The following SIX3 variants were observed in gnomAD, a reference collection of about 807,000 sequenced individuals.
The protein encoded by SIX3 is homeobox protein SIX3.
A neutral mutation model predicts 21.7 loss-of-function variants in SIX3; 2 were observed. That is an observed-to-expected ratio of 0.09 (90% confidence interval 0.04 to 0.29). SIX3 has a LOEUF of 0.29. Among genes scored for constraint, SIX3 ranks in the 10% least tolerant of loss-of-function variants. The pLI, the probability that SIX3 is intolerant of heterozygous loss-of-function variation, is 1.00. For missense variants in SIX3, 347 were observed against 480.7 expected (o/e 0.72, Z 2.60); for synonymous variants, 243 against 220.6 (o/e 1.10, Z -0.90).
Position 44,944,828 on chromosome 2 carries a change from C to CTCCTCCTCT in SIX3, c.*82_*90dup, listed in dbSNP as rs1666658059. Reference sequence around the variant, plus strand: ...ACTCCTTCCCCTCCGCCTCCTAGCCCTCCTCCTCTTCCTCCTCTTCCTTCT... The same window carrying CTCCTCCTCT: ...ACTCCTTCCCCTCCGCCTCCTAGCCCTCCTCCTCTTCCTCCTCTTCCTCCTCTTCCTTCT... On this transcript the variant is annotated 3_prime_UTR_variant, in exon 2 of 2. Transcript: ENST00000260653. The CTCCTCCTCT allele has an allele frequency of 7.2e-7, 1 of 1,395,650 alleles. No homozygotes were observed. The highest frequency in any genetic ancestry group is 9.8e-7 in the Non-Finnish European group (1 of 1,016,654). The allele number at this position is 1,395,650 out of a possible 1,614,324, so 86.5% of individuals were successfully genotyped here. A position where few individuals can be genotyped will look rare whatever the true frequency, so the allele number is the denominator to read the frequency against.
At position 44,944,614 on chromosome 2, in the gene SIX3, G is replaced by A. The variant is rs1384959715; in HGVS notation, c.853G>A (p.Glu285Lys). 9 of 1,574,780 alleles carry A rather than the reference G, an allele frequency of 5.7e-6. No individual in the cohort carries two copies. Among genetic ancestry groups the A allele is most frequent in the Non-Finnish European group, 7.7e-6 (9 of 1,167,426 alleles). ...IGPSGMRSLA[E>K]PGCPTHGSAE... ...ACCGAGCGGCATGCGCTCGCTGGCC[G>A]AGCCCGGCTGCCCCACGCACGGCTC... The change falls in exon 2 of 2, where the codon GAG becomes AAG. Residue 285 changes from glutamate (E) to lysine (K), a missense_variant. Transcript: ENST00000260653.
rs368057246 is a variant in SIX3 at position 44,945,100 on chromosome 2, T to C, written c.*340T>C. ...TAAAAGAGGTGACAATTGTATACTT[T>C]CTAGGACAAGCACGGCTTCTCCTTT... On this transcript the variant is annotated 3_prime_UTR_variant, in exon 2 of 2. Transcript: ENST00000260653. 142 of 364,602 alleles carry C rather than the reference T, an allele frequency of 3.9e-4. No homozygotes were observed. The highest frequency in any genetic ancestry group is 1.6e-3 in the Middle Eastern group (2 of 1,234). 22.6% of individuals were successfully genotyped at this position (364,602 alleles called of 1,614,324 possible).
At position 44,944,853 on chromosome 2, in the gene SIX3, T is replaced by C. The variant is rs1455137423; in HGVS notation, c.*93T>C. 54 of 1,165,396 alleles carry C rather than the reference T, an allele frequency of 4.6e-5. No individual in the cohort carries two copies. The highest frequency in any genetic ancestry group is 6.0e-5 in the Non-Finnish European group (49 of 813,828). The allele number at this position is 1,165,396 out of a possible 1,614,324, so 72.2% of individuals were successfully genotyped here. A position where few individuals can be genotyped will look rare whatever the true frequency, so the allele number is the denominator to read the frequency against. The stretch of plus-strand genomic sequence containing the variant: ...CTCCTCCTCTTCCTCCTCTTCCTTC[T>C]CCTCCTCCATCCCCAGAACAAACCG... On this transcript the variant is annotated 3_prime_UTR_variant, in exon 2 of 2. Transcript: ENST00000260653.
chr2:44,943,418 C>A (rs1483284542), intron 1 of SIX3, among the ~76,000 whole-genome samples: 1 of 152,090 alleles, frequency 6.6e-6, no homozygotes, highest in Non-Finnish European at 1.5e-5. Flanking sequence ...CAACGCTGCA[C>A]GTTGCCTGAC....
rs370976451 is a variant in SIX3, at chr2:44,944,194, T to C, written c.807-374T>C. Among the ~76,000 whole-genome samples, 74 of 152,352 alleles carry C rather than the reference T, an allele frequency of 4.9e-4. 1 individual carries two copies. The East Asian group carries it at 9.5e-3, about 19-fold the overall frequency. On this transcript the variant is annotated intron_variant, in intron 1 of 1. Transcript: ENST00000260653. ...GGCATCCAGAGAGCAAAGTATGCAG[T>C]TCTACCCGGAGACTGGCCGGGCGGT...
At chr2:44,943,448 C>A (rs1456866769) in intron 1 of SIX3, among the ~76,000 whole-genome samples, 4 of 152,238 alleles carry the variant, frequency 2.6e-5, no homozygotes, top group Non-Finnish European at 5.9e-5. Flanking sequence ...GAGAGCCGGG[C>A]TGGGAGTGGA....
At chr2:44,944,482 C>T in intron 1 of SIX3, 86 bp from the exon 2 acceptor site, 3 of 1,436,786 alleles carry the variant, frequency 2.1e-6, no homozygotes, top group Non-Finnish European at 2.8e-6. Flanking sequence ...GGGATGCTCC[C>T]GAAAGCGGAA....
Position 44,942,238 on chromosome 2 carries a change from G to T in SIX3, c.134G>T (p.Gly45Val). The T allele has an allele frequency of 6.3e-7, 1 of 1,581,758 alleles. No individual in the cohort carries two copies. The highest frequency in any genetic ancestry group is 8.5e-7 in the Non-Finnish European group (1 of 1,170,902). Residue 45 changes from glycine to valine, a missense_variant, in exon 1 of 2, where the codon GGA becomes GTA. Gly to Val is a moderately radical substitution (Grantham distance 109). This residue lies in a region of SIX3 where 105 missense variants were observed against 116.1 expected (regional missense o/e 0.90). Transcript: ENST00000260653. The surrounding 1 kb of genome is among the most constrained non-coding windows in gnomAD (Gnocchi z 8.4). ...GNGAGGGGGA[G>V]GGSGGGNGAG... is the part of the protein sequence containing the mutation. ...GGTGCGGGAGGCGGCGGCGGCGCGG[G>T]AGGCGGCAGCGGCGGCGGGAACGGT...
Position 44,942,925 on chromosome 2 carries a change from C to G in SIX3, c.806+15C>G. 6.3e-7 allele frequency: 1 copy of G among 1,593,948 alleles called. No homozygotes were observed. The highest frequency in any genetic ancestry group is 8.5e-7 in the Non-Finnish European group (1 of 1,177,758). ...GCCAAGAACAGGTTAGTGGCGGGGC[C>G]CGCGGCCTGGCTACAGCCTCAGAGG... On this transcript the variant is annotated intron_variant, in intron 1 of 1. Transcript: ENST00000260653. This position sits in a 1 kb window ranked among gnomAD's most constrained non-coding sequence, Gnocchi z 8.4.
At position 44,942,565 on chromosome 2, in the gene SIX3, A is replaced by T; in HGVS notation, c.461A>T (p.Asn154Ile). The stretch of plus-strand genomic sequence containing the variant: ...CGCGACCTCTACCACATCCTTGAGA[A>T]CCACAAGTTCACCAAGGAGTCTCAC... ...NFRDLYHILENHKFTKESHGK... is the reference protein window; with the variant it reads ...NFRDLYHILEIHKFTKESHGK... Residue 154 changes from asparagine (N) to isoleucine (I), a missense_variant, in exon 1 of 2, where the codon AAC becomes ATC. Physicochemically the swap from Asn to Ile is moderately radical, Grantham distance 149 (BLOSUM62 -3). Around this residue, in one of 4 missense-constraint regions of SIX3, gnomAD observed 117 missense variants for 205.9 expected, o/e 0.57. Transcript: ENST00000260653. This position sits in a 1 kb window ranked among gnomAD's most constrained non-coding sequence, Gnocchi z 8.4. 1 of 1,598,584 alleles carries T rather than the reference A, an allele frequency of 6.3e-7. No homozygotes were observed. Among genetic ancestry groups the T allele is most frequent in the Non-Finnish European group, 8.5e-7 (1 of 1,179,748 alleles).
Position 44,941,765 on chromosome 2 carries a change from A to C in SIX3, c.-340A>C. The C allele has an allele frequency of 6.4e-6, 2 of 312,440 alleles. No homozygotes were observed. The highest frequency in any genetic ancestry group is 6.2e-6 in the Non-Finnish European group (1 of 160,866). The allele number at this position is 312,440 out of a possible 1,614,324, so 19.4% of individuals were successfully genotyped here. The stretch of plus-strand genomic sequence containing the variant: ...TTGTCATTAGGGCGATTGCGGTGGA[A>C]TCGCTGAATCTTGACTCGGCGGTGG... On this transcript the variant is annotated 5_prime_UTR_variant, in exon 1 of 2. Transcript: ENST00000260653.
Position 44,944,981 on chromosome 2 carries a change from T to C in SIX3, c.*221T>C. 1 of 596,616 alleles carries C rather than the reference T, an allele frequency of 1.7e-6. No individual in the cohort carries two copies. 37.0% of individuals were successfully genotyped at this position (596,616 alleles called of 1,614,324 possible). On this transcript the variant is annotated 3_prime_UTR_variant, in exon 2 of 2. Transcript: ENST00000260653. Reference sequence around the variant, plus strand: ...AAAATAACAAATTAACCGCAAACTATCAACAACCCCCAACCACCATCTACC... The same window carrying C: ...AAAATAACAAATTAACCGCAAACTACCAACAACCCCCAACCACCATCTACC...
intron 1 of SIX3, among the ~76,000 whole-genome samples, chr2:44,943,626 G>C (rs1666628733): frequency 6.6e-6 from 1 of 152,248 alleles, no homozygotes; most frequent in South Asian, 2.1e-4. Flanking sequence ...TATAGGGCTT[G>C]ACCAACATCA....
chr2:44,943,496 C>G (rs753071885), intron 1 of SIX3, among the ~76,000 whole-genome samples: 1 of 152,182 alleles, frequency 6.6e-6, no homozygotes, highest in Admixed American at 6.5e-5. Context: ...TGTGTGCACG[C>G]CCGTGTGCAT....
rs1401039977 is a variant in SIX3, at chr2:44,942,662, C to G, written c.558C>G (p.Gly186=). 1 of 1,599,040 alleles carries G rather than the reference C, an allele frequency of 6.3e-7. No homozygotes were observed. Among genetic ancestry groups the G allele is most frequent in the South Asian group, 1.1e-5 (1 of 90,824 alleles). Residue 186 remains glycine, a synonymous_variant, in exon 1 of 2, where the codon GGC becomes GGG. Transcript: ENST00000260653. The surrounding 1 kb of genome is among the most constrained non-coding windows in gnomAD (Gnocchi z 8.4). ...EAEKLRGRPL[G]PVDKYRVRKK... is the part of the protein sequence containing the mutation. Reference sequence around the variant, plus strand: ...AGAAGCTGCGCGGCCGCCCACTCGGCCCGGTGGACAAGTACCGCGTGCGCA... The same window carrying G: ...AGAAGCTGCGCGGCCGCCCACTCGGGCCGGTGGACAAGTACCGCGTGCGCA...
chr2:44,944,722 C>G lies in SIX3; in HGVS notation c.961C>G (p.Leu321Val), dbSNP rs199795275. ...GCGCGCAGACACCGGCACCTCCATC[C>G]TCTCGGTAACCTCCAGCGACTCGGA... ...TERADTGTSI[L>V]SVTSSDSECD... The change falls in exon 2 of 2, where the codon CTC becomes GTC. Residue 321 changes from leucine (L) to valine (V), a missense_variant. Leu to Val is a conservative substitution (Grantham distance 32). Around this residue, in one of 4 missense-constraint regions of SIX3, gnomAD observed 110 missense variants for 93.3 expected, o/e 1.18. Transcript: ENST00000260653. 1.9e-6 allele frequency: 3 copies of G among 1,589,244 alleles called. No individual in the cohort carries two copies. The East Asian group carries it at 6.8e-5, about 36-fold the overall frequency.
At chr2:44,943,254 G>A (rs2103643286) in intron 1 of SIX3, among the ~76,000 whole-genome samples, 1 of 152,374 alleles carries the variant, frequency 6.6e-6, no homozygotes, top group Middle Eastern at 3.4e-3. Flanking sequence ...AGACAGGGAG[G>A]GAAGGAAAGC....
chr2:44,942,331 A>T lies in SIX3; in HGVS notation c.227A>T (p.Glu76Val), dbSNP rs770543339. Reference sequence around the variant, plus strand: ...GGCGGCTCCAGGGCCCCCCCGGAAGAGTTGTCCATGTTCCAGCTGCCCACC... The same window carrying T: ...GGCGGCTCCAGGGCCCCCCCGGAAGTGTTGTCCATGTTCCAGCTGCCCACC... Reference protein sequence around the residue: ...GGGGSRAPPEELSMFQLPTLN... With the variant: ...GGGGSRAPPEVLSMFQLPTLN... Residue 76 changes from glutamate (E) to valine (V), a missense_variant, in exon 1 of 2, where the codon GAG becomes GTG. Around this residue, in one of 4 missense-constraint regions of SIX3, gnomAD observed 105 missense variants for 116.1 expected, o/e 0.90. Coordinates refer to ENST00000260653, the MANE Select transcript of SIX3 (RefSeq NM_005413.4). This position sits in a 1 kb window ranked among gnomAD's most constrained non-coding sequence, Gnocchi z 8.4. The T allele has an allele frequency of 2.1e-5, 34 of 1,594,974 alleles. No homozygotes were observed. Among genetic ancestry groups the T allele is most frequent in the Non-Finnish European group, 2.8e-5 (33 of 1,178,476 alleles).
At chr2:44,943,051 C>T in intron 1 of SIX3, 141 bp downstream of exon 1, 1 of 1,380,788 alleles carries the variant, frequency 7.2e-7, no homozygotes, top group African/African-American at 1.5e-5. Context: ...TCCGCTTGTC[C>T]GGGACGCGCG....
Sources: allele counts gnomAD v4.1 joint callset (sites outside exome capture counted in the v4.1 genomes callset), GRCh38; gene constraint gnomAD v4.1.1; regional missense constraint gnomAD v4.1.1; non-coding constraint Gnocchi (gnomAD v3.1); transcripts MANE v1.5; gene names NCBI Gene and HGNC (gene_info 2026-07-23, HGNC 2026-07-21).